EYS: variants seen among roughly 807,000 people sequenced by gnomAD.
The protein encoded by EYS is protein eyes shut homolog.
In EYS, 250 loss-of-function variants were observed where a neutral mutation model predicts 282.1. That is an observed-to-expected ratio of 0.89 (90% CI 0.80 to 0.98). EYS has a LOEUF of 0.98. Among genes scored for constraint, EYS ranks in the 50% least tolerant of loss-of-function variants. EYS has a pLI of 0.00. For synonymous variants in EYS, 1,355 were observed against 1,282.9 expected, an observed-to-expected ratio of 1.06 and a Z score of -1.20; for missense variants, 4,016 against 3,709.0, an observed-to-expected ratio of 1.08 and a Z score of -2.15.
At chr6:65,122,904 C>T (rs1775604643) in intron 12 of EYS, among the ~76,000 whole-genome samples, 1 of 152,022 alleles carries the variant, frequency 6.6e-6, no homozygotes, top group African/African-American at 2.4e-5. Context: ...CATAGATATA[C>T]ATCTATCCAT....
chr6:64,293,086 A>C (rs867110056), intron 30 of EYS, among the ~76,000 whole-genome samples: 23 of 152,096 alleles, frequency 1.5e-4, no homozygotes, highest in Admixed American at 6.6e-4. Flanking sequence ...AACAAAAACT[A>C]TGCATTTAAT....
chr6:65,140,965 C>T (rs957921219), intron 12 of EYS, among the ~76,000 whole-genome samples: 1 of 151,364 alleles, frequency 6.6e-6, no homozygotes, highest in African/African-American at 2.4e-5. Flanking sequence ...CTAGAAATAC[C>T]ATTTGACCCA....
At position 64,689,496 on chromosome 6, in the gene EYS, C is replaced by G. The variant is rs559762432; in HGVS notation, c.3444-63251G>C. The stretch of plus-strand genomic sequence containing the variant: ...AACTACTTTAAAGTTCATATGGAAC[C>G]AAAGAAGAGCCCGCATTGCCAAGAC... On this transcript the variant is annotated intron_variant, in intron 22 of 42. Transcript: ENST00000503581. Among the ~76,000 whole-genome samples, 13 of 151,974 alleles carry G rather than the reference C, an allele frequency of 8.6e-5. 1 individual carries two copies. The highest frequency in any genetic ancestry group is 3.4e-3 in the Middle Eastern group (1 of 294).
chr6:64,557,087 C>T (rs2782295), intron 26 of EYS, among the ~76,000 whole-genome samples: 115,281 of 151,616 alleles, frequency 0.76, 44,602 homozygotes, highest in African/African-American at 0.92. Context: ...AACAATTTTA[C>T]TATCAAATGG....
chr6:64,876,403 G>A (rs1281512895), intron 19 of EYS, among the ~76,000 whole-genome samples: 2 of 152,036 alleles, frequency 1.3e-5, no homozygotes, highest in Non-Finnish European at 2.9e-5. Context: ...AGTTACATGT[G>A]TTAACATTCA....
At chr6:64,897,981 T>C (rs1767529034) in intron 18 of EYS, among the ~76,000 whole-genome samples, 2 of 152,184 alleles carry the variant, frequency 1.3e-5, no homozygotes, top group Non-Finnish European at 2.9e-5. Context: ...TACATTTGAT[T>C]GGTGTACCTG....
intron 2 of EYS, among the ~76,000 whole-genome samples, chr6:65,502,620 T>G (rs1766496501): frequency 1.3e-5 from 2 of 151,708 alleles, no homozygotes; most frequent in African/African-American, 4.8e-5. Flanking sequence ...TTCCCTTTTC[T>G]TTTCTAGGAT....
chr6:64,668,858 C>T (rs1045126594), intron 22 of EYS, among the ~76,000 whole-genome samples: 12 of 152,036 alleles, frequency 7.9e-5, no homozygotes, highest in Non-Finnish European at 1.0e-4. Flanking sequence ...TGAGCCACCA[C>T]ACCTGGCCGC....
At chr6:64,990,669 C>T (rs1215486909) in intron 14 of EYS, among the ~76,000 whole-genome samples, 1 of 151,556 alleles carries the variant, frequency 6.6e-6, no homozygotes, top group Non-Finnish European at 1.5e-5. Context: ...TCTGCTATGT[C>T]TTCACATATT....
At chr6:64,573,956 A>T (rs527868766) in intron 26 of EYS, among the ~76,000 whole-genome samples, 16 of 152,008 alleles carry the variant, frequency 1.1e-4, no homozygotes, top group Non-Finnish European at 1.8e-4. Context: ...AAATAATTCT[A>T]CTATAAAGAC....
intron 31 of EYS, among the ~76,000 whole-genome samples, chr6:64,154,891 T>C (rs1044831858): frequency 1.3e-5 from 2 of 152,184 alleles, no homozygotes; most frequent in Non-Finnish European, 2.9e-5. Context: ...GGAAATATTA[T>C]TGGCTATTAT....
intron 11 of EYS, among the ~76,000 whole-genome samples, chr6:65,299,518 A>T (rs1021834379): frequency 4.6e-5 from 7 of 152,086 alleles, no homozygotes; most frequent in Admixed American, 4.6e-4. Context: ...AGTAGTCCAA[A>T]ATTTCTGAAA....
intron 22 of EYS, among the ~76,000 whole-genome samples, chr6:64,766,091 T>C (rs1773324030): frequency 6.6e-6 from 1 of 151,582 alleles, no homozygotes; most frequent in South Asian, 2.1e-4. Context: ...CACACCCAGC[T>C]AACTCTTTGT....
intron 34 of EYS, among the ~76,000 whole-genome samples, chr6:63,985,934 T>A (rs1207676798): frequency 1.3e-5 from 2 of 151,846 alleles, no homozygotes; most frequent in African/African-American, 4.8e-5. Context: ...TGGGATCTAA[T>A]TAAACGTGAG....
intron 2 of EYS, among the ~76,000 whole-genome samples, chr6:65,586,641 C>A (rs1049708408): frequency 2.0e-5 from 3 of 151,774 alleles, no homozygotes; most frequent in African/African-American, 7.3e-5. Flanking sequence ...GTGTTCATGC[C>A]CACCACAGAA....
intron 5 of EYS, among the ~76,000 whole-genome samples, chr6:65,447,991 T>A (rs775493212): frequency 6.6e-6 from 1 of 152,078 alleles, no homozygotes; most frequent in Non-Finnish European, 1.5e-5. Flanking sequence ...GAAATGAATG[T>A]AAGCTAGCAG....
At chr6:64,887,081 A>G (rs1430248562) in intron 18 of EYS, among the ~76,000 whole-genome samples, 2 of 151,804 alleles carry the variant, frequency 1.3e-5, no homozygotes, top group Admixed American at 6.6e-5. Flanking sequence ...AATTACTGTA[A>G]CCTGATAAAT....
intron 7 of EYS, among the ~76,000 whole-genome samples, chr6:65,389,519 G>A (rs1308128173): frequency 6.6e-6 from 1 of 152,104 alleles, no homozygotes; most frequent in Non-Finnish European, 1.5e-5. Flanking sequence ...TCAAAACAAT[G>A]AGGTCAAGAG....
chr6:65,522,859 T>C (rs1767422410), intron 2 of EYS, among the ~76,000 whole-genome samples: 1 of 152,174 alleles, frequency 6.6e-6, no homozygotes, highest in Admixed American at 6.6e-5. Flanking sequence ...TTCTGCCTTT[T>C]AACCTTTTCC....
Sources: gnomAD v4.1 joint callset for allele counts (sites outside exome capture counted in the v4.1 genomes callset) on GRCh38, gnomAD v4.1.1 for gene constraint, MANE v1.5 for transcripts, NCBI Gene and HGNC (gene_info 2026-07-23, HGNC 2026-07-21) for gene names.